ADPRM: variants seen among roughly 807,000 people sequenced by gnomAD.
ADPRM encodes the protein manganese-dependent ADP-ribose/CDP-alcohol diphosphatase.
ADPRM carries 17 observed loss-of-function variants against 27.2 expected under a neutral mutation model. The observed-to-expected ratio is 0.63, with a 90% CI of 0.43 to 0.94. The LOEUF (loss-of-function observed/expected upper bound fraction) is 0.94. Ranked by LOEUF, ADPRM falls within the 40% of genes least tolerant of loss-of-function variation. The probability of loss-of-function intolerance (pLI) is 0.00; values close to 1 mark genes in which losing one functional copy is unlikely to be tolerated. For synonymous variants in ADPRM, 135 were observed against 145.3 expected, an observed-to-expected ratio of 0.93 and a Z score of 0.51; for missense variants, 337 against 412.8, an observed-to-expected ratio of 0.82 and a Z score of 1.59.
chr17:10,707,246 G>A lies in ADPRM; in HGVS notation c.718+692G>A, dbSNP rs187158133. Among the ~76,000 whole-genome samples the A allele has an allele frequency of 3.2e-3, 484 of 152,212 alleles. 1 individual carries two copies. The highest frequency in any genetic ancestry group is 5.5e-3 in the Non-Finnish European group (377 of 68,000). On this transcript the variant is annotated intron_variant, in intron 3 of 3. Transcript: ENST00000379774. Reference sequence around the variant, plus strand: ...AGAAATTAGCAGGGCATGGTGGTGCGTGCCTGTAGTTCCAGCCACTTGGGA... The same window carrying A: ...AGAAATTAGCAGGGCATGGTGGTGCATGCCTGTAGTTCCAGCCACTTGGGA...
At position 10,710,832 on chromosome 17, in the gene ADPRM, A is replaced by G; in HGVS notation, c.719-2A>G. Reference sequence around the variant, plus strand: ...ATAACTCTTCTTTTCTTTAACTAACAGGCCATCTTCCCATTTACCCGGACG... The same window carrying G: ...ATAACTCTTCTTTTCTTTAACTAACGGGCCATCTTCCCATTTACCCGGACG... On this transcript the variant is annotated splice_acceptor_variant, in intron 3 of 3. Coordinates refer to ENST00000379774, the MANE Select transcript of ADPRM (RefSeq NM_020233.5). LOFTEE classifies it high-confidence loss of function. The G allele has an allele frequency of 6.2e-7, 1 of 1,612,288 alleles. No homozygotes were observed. The highest frequency in any genetic ancestry group is 1.1e-5 in the South Asian group (1 of 91,030).
At position 10,705,275 on chromosome 17, in the gene ADPRM, A is replaced by G; in HGVS notation, c.349A>G (p.Ser117Gly). The G allele has an allele frequency of 6.2e-7, 1 of 1,614,048 alleles. No homozygotes were observed. Among genetic ancestry groups the G allele is most frequent in the South Asian group, 1.1e-5 (1 of 91,074 alleles). The change falls in exon 2 of 4, where the codon AGT (serine) becomes GGT (glycine). Residue 117 changes from serine (S) to glycine (G), a missense_variant. Physicochemically the swap from Ser to Gly is moderately conservative, Grantham distance 56. Transcript: ENST00000379774. This position sits in a 1 kb window ranked among gnomAD's most constrained non-coding sequence, Gnocchi z 5.4. The stretch of plus-strand genomic sequence containing the variant: ...GGGAAACCATGAATTCTATAACTTC[A>G]GTAGAGAGTATTTAACACACTCTAA... The part of the protein sequence containing the change: ...TWGNHEFYNF[S>G]REYLTHSKLN...
At chr17:10,700,842 C>T (rs2520157) in intron 1 of ADPRM, among the ~76,000 whole-genome samples, 8,917 of 151,816 alleles carry the variant, frequency 0.059, 872 homozygotes, top group African/African-American at 0.2. Flanking sequence ...TGTACTATGA[C>T]ATGATAGGAA....
At chr17:10,706,802 C>T (rs1476490619) in intron 3 of ADPRM, among the ~76,000 whole-genome samples, 1 of 152,014 alleles carries the variant, frequency 6.6e-6, no homozygotes, top group Non-Finnish European at 1.5e-5. Context: ...GGTTCAAAGT[C>T]GAATTTCCTC....
chr17:10,706,646 T>A, intron 3 of ADPRM, 92 bp downstream of exon 3: 2 of 868,928 alleles, frequency 2.3e-6, no homozygotes, highest in Non-Finnish European at 3.3e-6. Flanking sequence ...TGTTTCGATA[T>A]CCTCTTTCTA....
intron 1 of ADPRM, among the ~76,000 whole-genome samples, chr17:10,699,518 C>CTTTTT (rs781412834): frequency 1.5e-3 from 169 of 113,302 alleles, no homozygotes; most frequent in Middle Eastern, 4.9e-3. Flanking sequence ...TCTTTTCTTT[C>CTTTTT]TTTTTTTTTT....
chr17:10,703,624 CT>C (rs2074794073), intron 1 of ADPRM, among the ~76,000 whole-genome samples: 1 of 152,098 alleles, frequency 6.6e-6, no homozygotes, highest in Non-Finnish European at 1.5e-5. Flanking sequence ...TAGGAGTACT[CT>C]TAGAGTTGGG....
intron 3 of ADPRM, among the ~76,000 whole-genome samples, chr17:10,707,838 G>A (rs1294117806): frequency 6.6e-6 from 1 of 152,222 alleles, no homozygotes; most frequent in East Asian, 1.9e-4. Context: ...ATCAGAGATT[G>A]TAGGAATCCA....
In ADPRM at chr17:10,710,788, G is replaced by C. The variant is rs200237756; in HGVS notation, c.719-46G>C. ...TTTAGCCATTTATTTTTATAGAAGAGATATTTCTTAATTGGCTCATAACTC... is the reference window on the plus strand; with the variant it reads ...TTTAGCCATTTATTTTTATAGAAGACATATTTCTTAATTGGCTCATAACTC... On this transcript the variant is annotated intron_variant, in intron 3 of 3. Transcript: ENST00000379774. 6 of 1,541,004 alleles carry C rather than the reference G, an allele frequency of 3.9e-6. No individual in the cohort carries two copies. In the Admixed American group the frequency reaches 7.3e-5, roughly 19 times the overall value.
chr17:10,708,428 T>TTAAAA, intron 3 of ADPRM, among the ~76,000 whole-genome samples: 1 of 19,586 alleles, frequency 5.1e-5, no homozygotes, highest in Admixed American at 6.7e-4. Flanking sequence ...AAACTCCGTC[T>TTAAAA]CAAAAAAAAA....
rs1245416950 is a variant in ADPRM at position 10,711,220 on chromosome 17, CTCAT to C, written c.*78_*81del. The C allele has an allele frequency of 8.3e-7, 1 of 1,199,816 alleles. No individual in the cohort carries two copies. The highest frequency in any genetic ancestry group is 1.2e-6 in the Non-Finnish European group (1 of 865,518). 74.3% of individuals were successfully genotyped at this position (1,199,816 alleles called of 1,614,324 possible). A position where few individuals can be genotyped will look rare whatever the true frequency, so the allele number is the denominator to read the frequency against. ...AAACAAAAAAATAAAAATCCTCTGT[CTCAT>C]TGTTTAGTATTCAGCTTGCATAACA... On this transcript the variant is annotated 3_prime_UTR_variant, in exon 4 of 4. Coordinates refer to ENST00000379774, the MANE Select transcript of ADPRM (RefSeq NM_020233.5).
chr17:10,706,871 C>T (rs1297072895), intron 3 of ADPRM, among the ~76,000 whole-genome samples: 1 of 152,074 alleles, frequency 6.6e-6, no homozygotes, highest in Middle Eastern at 3.2e-3. Flanking sequence ...TTATTGAAAT[C>T]ATTGTAGATT....
At chr17:10,697,746 G>A in intron 1 of ADPRM, 79 bp downstream of exon 1, 1 of 603,028 alleles carries the variant, frequency 1.7e-6, no homozygotes, top group South Asian at 1.9e-5. Context: ...GCGGAGCGCC[G>A]GGAAGGGGGC....
chr17:10,700,310 G>C (rs1194327110), intron 1 of ADPRM, among the ~76,000 whole-genome samples: 2 of 152,184 alleles, frequency 1.3e-5, no homozygotes. Context: ...TCAGCCTTCT[G>C]CCAATCTTAA....
intron 1 of ADPRM, among the ~76,000 whole-genome samples, chr17:10,704,502 A>C (rs1263588673): frequency 6.6e-6 from 1 of 151,384 alleles, no homozygotes; most frequent in Non-Finnish European, 1.5e-5. Flanking sequence ...AAAAAAAAAA[A>C]AAAAACTTGA....
At position 10,708,168 on chromosome 17, in the gene ADPRM, C is replaced by T. The variant is rs139779223; in HGVS notation, c.718+1614C>T. ...ACCCCTGGCCAAGCACGGTGACTCA[C>T]GCCCGTAATCCCAGCACTTTGGAAG... On this transcript the variant is annotated intron_variant, in intron 3 of 3. Transcript: ENST00000379774. Among the ~76,000 whole-genome samples the T allele has an allele frequency of 9.6e-4, 146 of 152,180 alleles. 1 individual carries two copies. The East Asian group carries it at 0.022, about 23-fold the overall frequency.
At chr17:10,701,082 G>T (rs552334725) in intron 1 of ADPRM, among the ~76,000 whole-genome samples, 5 of 152,232 alleles carry the variant, frequency 3.3e-5, no homozygotes, top group African/African-American at 1.2e-4. Context: ...TTTTGCTTCA[G>T]GAAACACGAG....
chr17:10,708,640 T>C (rs2074830711), intron 3 of ADPRM, among the ~76,000 whole-genome samples: 2 of 152,124 alleles, frequency 1.3e-5, no homozygotes, highest in Admixed American at 1.3e-4. Flanking sequence ...CCTTGGGTTG[T>C]TGGAATGATG....
intron 3 of ADPRM, among the ~76,000 whole-genome samples, chr17:10,710,382 A>G (rs538141025): frequency 3.3e-5 from 5 of 152,378 alleles, no homozygotes; most frequent in Middle Eastern, 6.8e-3. Context: ...GATTACAGGC[A>G]TGAGCCACCA....
Sources: gnomAD v4.1 joint callset for allele counts (sites outside exome capture counted in the v4.1 genomes callset) on GRCh38, gnomAD v4.1.1 for gene constraint, Gnocchi (gnomAD v3.1) non-coding constraint, MANE v1.5 for transcripts, NCBI Gene and HGNC (gene_info 2026-07-23, HGNC 2026-07-21) for gene names.